The following NNT variants were observed in gnomAD, a reference collection of about 807,000 sequenced individuals.
NNT encodes the protein nicotinamide nucleotide transhydrogenase, also known as NAD(P) transhydrogenase, mitochondrial.
A neutral mutation model predicts 104.8 loss-of-function variants in NNT; 50 were observed. That is an observed-to-expected ratio of 0.48 (90% confidence interval 0.38 to 0.60). The LOEUF is 0.60. Among genes scored for constraint, NNT ranks in the 20% least tolerant of loss-of-function variants. NNT has a pLI of 0.00. For missense variants in NNT, 1,131 were observed against 1,330.7 expected (o/e 0.85, Z 2.33); for synonymous variants, 461 against 490.4 (o/e 0.94, Z 0.79).
chr5:43,602,938 G>C (rs1749000329), upstream of NNT: 1 of 152,834 alleles, frequency 6.5e-6, no homozygotes, highest in African/African-American at 2.4e-5. Flanking sequence ...GGCTGGGCTG[G>C]GGGCCGCAGG....
intron 15 of NNT, 59 bp from the exon 16 acceptor site, chr5:43,656,594 A>T (rs1200932656): frequency 1.4e-6 from 2 of 1,439,660 alleles, no homozygotes; most frequent in African/African-American, 2.8e-5. Flanking sequence ...ACAGAAATGA[A>T]CTTTATGTAT....
intron 17 of NNT, among the ~76,000 whole-genome samples, chr5:43,670,140 T>A (rs1357907667): frequency 6.6e-6 from 1 of 152,286 alleles, no homozygotes; most frequent in African/African-American, 2.4e-5. Context: ...CTCCTTATCA[T>A]TTTTTATTGC....
intron 17 of NNT, among the ~76,000 whole-genome samples, chr5:43,674,365 G>A (rs1041149272): frequency 5.9e-5 from 9 of 152,062 alleles, no homozygotes; most frequent in African/African-American, 1.9e-4. Flanking sequence ...AGCAGGCTGA[G>A]CCATCATTGT....
chr5:43,642,207 A>G (rs1211289589), intron 7 of NNT, among the ~76,000 whole-genome samples: 1 of 152,182 alleles, frequency 6.6e-6, no homozygotes, highest in Non-Finnish European at 1.5e-5. Context: ...CTCTGGCCCT[A>G]GAGGGTGGGG....
rs1403401157 is a variant in NNT, at chr5:43,609,145, A to T, written c.-51A>T. 4.6e-6 allele frequency: 7 copies of T among 1,507,930 alleles called. No individual in the cohort carries two copies. In the Admixed American group the frequency reaches 5.7e-5, roughly 12 times the overall value. 93.4% of individuals were successfully genotyped at this position (1,507,930 alleles called of 1,614,324 possible). A position where few individuals can be genotyped will look rare whatever the true frequency, so the allele number is the denominator to read the frequency against. ...CATCCTATTTTCTTTTTTCTTAGTG[A>T]TTTGCCTTCAAGGAAACTGGGGAGT... On this transcript the variant is annotated splice_region_variant and 5_prime_UTR_variant, in exon 2 of 22. Transcript: ENST00000344920.
chr5:43,609,694 T>C (rs1749407722), intron 2 of NNT, among the ~76,000 whole-genome samples: 1 of 152,256 alleles, frequency 6.6e-6, no homozygotes, highest in Non-Finnish European at 1.5e-5. Flanking sequence ...AGCTCATCTA[T>C]GCTCAGGAAT....
chr5:43,632,621 G>A (rs1421582048), intron 7 of NNT, among the ~76,000 whole-genome samples: 1 of 152,166 alleles, frequency 6.6e-6, no homozygotes, highest in Non-Finnish European at 1.5e-5. Context: ...ACTTAATGCA[G>A]GTAACTTGAG....
intron 20 of NNT, among the ~76,000 whole-genome samples, chr5:43,701,406 C>T (rs563347644): frequency 6.6e-6 from 1 of 152,256 alleles, no homozygotes; most frequent in Non-Finnish European, 1.5e-5. Context: ...CTGGAAAGGA[C>T]ACGATTTCCA....
At chr5:43,650,338 G>C (rs1739688313) in intron 11 of NNT, 139 bp from the exon 12 acceptor site, 1 of 544,066 alleles carries the variant, frequency 1.8e-6, no homozygotes, top group African/African-American at 1.9e-5. Flanking sequence ...ATTTTAATGA[G>C]GGTGTAAGAA....
chr5:43,667,009 A>G, intron 17 of NNT: 1 of 1,596,424 alleles, frequency 6.3e-7, no homozygotes, highest in Non-Finnish European at 8.5e-7. Context: ...GGGCTTTACG[A>G]GGGCCTTGAT....
At chr5:43,616,170 G>T in intron 4 of NNT, 105 bp downstream of exon 4, 1 of 929,186 alleles carries the variant, frequency 1.1e-6, no homozygotes, top group Non-Finnish European at 1.6e-6. Flanking sequence ...AATTATTGTT[G>T]GAGATTACAG....
chr5:43,669,808 G>A (rs1026781730), intron 17 of NNT, among the ~76,000 whole-genome samples: 2 of 152,166 alleles, frequency 1.3e-5, no homozygotes, highest in South Asian at 2.1e-4. Flanking sequence ...AATGAGTTAG[G>A]GAGGATTCCC....
intron 10 of NNT, among the ~76,000 whole-genome samples, chr5:43,646,636 G>A (rs752060623): frequency 6.6e-6 from 1 of 151,928 alleles, no homozygotes; most frequent in Non-Finnish European, 1.5e-5. Context: ...TGTTAAATGC[G>A]TATAAATATA....
At chr5:43,614,444 G>A (rs1749667431) in intron 3 of NNT, among the ~76,000 whole-genome samples, 1 of 152,068 alleles carries the variant, frequency 6.6e-6, no homozygotes, top group Non-Finnish European at 1.5e-5. Context: ...ATTTGATAGG[G>A]GCCAGTAGAA....
At chr5:43,639,953 A>G (rs559051115) in intron 7 of NNT, among the ~76,000 whole-genome samples, 58 of 152,154 alleles carry the variant, frequency 3.8e-4, no homozygotes, top group African/African-American at 1.3e-3. Context: ...TTTAGGAAAT[A>G]TAATGATCTT....
Position 43,656,768 on chromosome 5 carries a change from T to C in NNT, c.2409T>C (p.Thr803=). The change falls in exon 16 of 22, where the codon ACT becomes ACC. Residue 803 remains threonine, a synonymous_variant. Transcript: ENST00000344920. The part of the protein sequence containing the change: ...IPFMVDPSFT[T]GITCLGSVSA... ...TCATGGTGGACCCAAGCTTTACTAC[T>C]GGCATCACCTGTCTGGGTTCAGTGT... The C allele has an allele frequency of 6.2e-7, 1 of 1,614,176 alleles. No homozygotes were observed. The highest frequency in any genetic ancestry group is 8.5e-7 in the Non-Finnish European group (1 of 1,180,016).
chr5:43,621,983 G>T (rs1039147708), intron 5 of NNT, among the ~76,000 whole-genome samples: 1 of 152,160 alleles, frequency 6.6e-6, no homozygotes. Context: ...GGATCATGTG[G>T]GTCCTCTCTT....
intron 10 of NNT, chr5:43,647,834 C>G (rs767999946): frequency 6.2e-5 from 28 of 450,930 alleles, no homozygotes; most frequent in Middle Eastern, 3.4e-4. Flanking sequence ...TTAGTGACTC[C>G]TAGGCATTGT....
At chr5:43,682,208 CT>C (rs71610326) in intron 19 of NNT, among the ~76,000 whole-genome samples, 5,340 of 100,514 alleles carry the variant, frequency 0.053, 56 homozygotes, top group African/African-American at 0.096. Context: ...TAACTGGATT[CT>C]TTTTTTTTTT....
Sources: allele counts gnomAD v4.1 joint callset (sites outside exome capture counted in the v4.1 genomes callset), GRCh38; gene constraint gnomAD v4.1.1; transcripts MANE v1.5; gene names NCBI Gene and HGNC (gene_info 2026-07-23, HGNC 2026-07-21).